The following FARP2 variants were observed in gnomAD, a reference collection of about 807,000 sequenced individuals.
FARP2 encodes the protein FERM, ARH/RhoGEF and pleckstrin domain protein 2.
Under a neutral mutation model 130.5 loss-of-function variants are expected in FARP2, and 111 were observed. The ratio of observed to expected loss-of-function variants is 0.85; its 90% CI spans 0.73 to 1.00. The LOEUF (loss-of-function observed/expected upper bound fraction) is 1.00. Ranked by LOEUF, FARP2 falls within the 50% of genes least tolerant of loss-of-function variation. The pLI is 0.00. For missense variants in FARP2, 1,385 were observed against 1,346.3 expected (o/e 1.03, Z -0.45); for synonymous variants, 504 against 516.9 (o/e 0.98, Z 0.34).
rs557510019 is a variant in FARP2 at position 241,424,159 on chromosome 2, A to T, written c.771+6050A>T. Among the ~76,000 whole-genome samples the T allele has an allele frequency of 1.1e-4, 17 of 152,312 alleles. No individual in the cohort carries two copies. In the East Asian group the frequency reaches 3.1e-3, roughly 28 times the overall value. On this transcript the variant is annotated intron_variant, in intron 8 of 26. Coordinates refer to ENST00000264042, the MANE Select transcript of FARP2 (RefSeq NM_014808.4). ...TCCCCCCAAAAACAAAAGAATATAA[A>T]TTCTTCTCATCACCACATGGCACTT...
chr2:241,438,634 GT>G (rs1207651322), intron 12 of FARP2, among the ~76,000 whole-genome samples: 21 of 127,836 alleles, frequency 1.6e-4, no homozygotes, highest in East Asian at 4.8e-4. Flanking sequence ...TTTTTTTTTT[GT>G]TTTTTTTTTT....
chr2:241,465,080 C>T (rs1191733320), intron 17 of FARP2, among the ~76,000 whole-genome samples: 1 of 152,166 alleles, frequency 6.6e-6, no homozygotes, highest in Non-Finnish European at 1.5e-5. Flanking sequence ...TAGATCAGGG[C>T]CCTTACCAGC....
At chr2:241,366,138 TAC>T (rs1445444373) in intron 1 of FARP2, among the ~76,000 whole-genome samples, 22 of 138,378 alleles carry the variant, frequency 1.6e-4, no homozygotes, top group East Asian at 2.1e-4. Flanking sequence ...TATATATATA[TAC>T]ACACACACAT....
At position 241,494,260 on chromosome 2, in the gene FARP2, T is replaced by A. The variant is rs1574927665; in HGVS notation, c.*135T>A. 2.4e-5 allele frequency: 11 copies of A among 467,008 alleles called. No homozygotes were observed. The East Asian group carries it at 3.8e-4, about 16-fold the overall frequency. 28.9% of individuals were successfully genotyped at this position (467,008 alleles called of 1,614,324 possible). The stretch of plus-strand genomic sequence containing the variant: ...TCCCCACTGGCACCAGCAGTGTGGG[T>A]GGGCCTCATGTAACATCTGGGAGGG... On this transcript the variant is annotated 3_prime_UTR_variant, in exon 27 of 27. Coordinates refer to ENST00000264042, the MANE Select transcript of FARP2 (RefSeq NM_014808.4). This position sits in a 1 kb window ranked among gnomAD's most constrained non-coding sequence, Gnocchi z 4.9.
chr2:241,446,416 A>T (rs952172196), intron 13 of FARP2: 6 of 152,038 alleles, frequency 3.9e-5, no homozygotes, highest in African/African-American at 1.4e-4. Flanking sequence ...GCTGAGGGTG[A>T]CTTGGTCCTT....
chr2:241,443,291 A>T (rs78423617), intron 13 of FARP2: 3 of 153,586 alleles, frequency 2.0e-5, no homozygotes, highest in African/African-American at 7.2e-5. Context: ...CCACTGCCTC[A>T]TTATTGACTT....
intron 10 of FARP2, among the ~76,000 whole-genome samples, 169 bp from the exon 11 acceptor site, chr2:241,434,793 G>A (rs2063180046): frequency 1.3e-5 from 2 of 152,016 alleles, no homozygotes; most frequent in African/African-American, 2.4e-5. Context: ...CAGAGATCAC[G>A]CCACTGCACT....
At chr2:241,449,056 T>C (rs1345539267) in intron 13 of FARP2, among the ~76,000 whole-genome samples, 1 of 152,258 alleles carries the variant, frequency 6.6e-6, no homozygotes, top group African/African-American at 2.4e-5. Flanking sequence ...GATCCACTCA[T>C]GACATCCTCT....
At chr2:241,397,563 A>T (rs2062060633) in intron 2 of FARP2, among the ~76,000 whole-genome samples, 1 of 151,986 alleles carries the variant, frequency 6.6e-6, no homozygotes, top group Non-Finnish European at 1.5e-5. Context: ...TTTAAAAGAG[A>T]CCTTGGTAAG....
chr2:241,450,909 G>A (rs1004532191), intron 13 of FARP2, among the ~76,000 whole-genome samples: 11 of 152,234 alleles, frequency 7.2e-5, no homozygotes, highest in East Asian at 1.9e-4. Flanking sequence ...CTGAGATTGC[G>A]CCACTGCACT....
At chr2:241,478,040 G>A (rs570655048) in intron 19 of FARP2, 1 of 152,344 alleles carries the variant, frequency 6.6e-6, no homozygotes, top group Admixed American at 6.5e-5. Context: ...TGTGTGGGTT[G>A]TCTTTTCACT....
intron 21 of FARP2, among the ~76,000 whole-genome samples, chr2:241,485,012 G>A (rs2064716599): frequency 6.6e-6 from 1 of 152,098 alleles, no homozygotes; most frequent in Non-Finnish European, 1.5e-5. Flanking sequence ...AGGGCGCCAA[G>A]GACAGGGGCT....
Position 241,468,297 on chromosome 2 carries a change from G to GGCT in FARP2, c.2057_2059dup (p.Leu686dup). ...ACGTTCCTGCTGAAGCCCATCCAGC[G>GGCT]GCTGCTGCACTACCGCCTGCTGCTG... On this transcript the variant is annotated inframe_insertion, in exon 18 of 27. Transcript: ENST00000264042. 3.1e-6 allele frequency: 5 copies of GGCT among 1,613,618 alleles called. No homozygotes were observed. The highest frequency in any genetic ancestry group is 4.2e-6 in the Non-Finnish European group (5 of 1,180,034).
chr2:241,390,453 A>G (rs185253780), intron 2 of FARP2, among the ~76,000 whole-genome samples: 19 of 152,144 alleles, frequency 1.2e-4, no homozygotes, highest in African/African-American at 4.1e-4. Flanking sequence ...TTCTTTCATC[A>G]TTTTTATCTC....
chr2:241,386,588 G>A (rs1363011372), intron 2 of FARP2, among the ~76,000 whole-genome samples: 1 of 152,202 alleles, frequency 6.6e-6, no homozygotes, highest in African/African-American at 2.4e-5. Flanking sequence ...AGCCCCCTGG[G>A]CATGTGCAGC....
intron 2 of FARP2, chr2:241,386,716 C>CT (rs1196476262): frequency 2.0e-5 from 3 of 152,240 alleles, no homozygotes; most frequent in African/African-American, 7.2e-5. Flanking sequence ...AGCTGGCCAC[C>CT]TTGGTTCCCA....
In FARP2 at chr2:241,441,385, C is replaced by G. The variant is rs2302014; in HGVS notation, c.1240C>G (p.Leu414Val). The G allele has an allele frequency of 1.9e-4, 299 of 1,614,250 alleles. 2 individuals are homozygous for G. In the East Asian group the frequency reaches 6.5e-3, roughly 35 times the overall value. Reference sequence around the variant, plus strand: ...CTTTTACTCGCTCTCTCCCTCCACTCTGGTCCCCTCTGGCCTGCCAGAGTT... The same window carrying G: ...CTTTTACTCGCTCTCTCCCTCCACTGTGGTCCCCTCTGGCCTGCCAGAGTT... ...NAFYSLSPST[L>V]VPSGLPEFKD... Residue 414 changes from leucine (L) to valine (V), a missense_variant, in exon 13 of 27, where the codon CTG (leucine) becomes GTG (valine). Physicochemically the swap from Leu to Val is conservative, Grantham distance 32. Coordinates refer to ENST00000264042, the MANE Select transcript of FARP2 (RefSeq NM_014808.4).
At chr2:241,376,454 G>A (rs1308135000) in intron 2 of FARP2, among the ~76,000 whole-genome samples, 2 of 152,230 alleles carry the variant, frequency 1.3e-5, no homozygotes. Flanking sequence ...CTCTGGAAGT[G>A]CAATTGTCTG....
At chr2:241,411,178 A>T in intron 6 of FARP2, 48 bp downstream of exon 6, 1 of 1,284,932 alleles carries the variant, frequency 7.8e-7, no homozygotes, top group Non-Finnish European at 1.1e-6. Context: ...CATGGCACAG[A>T]TATACCCGCA....
Sources: gnomAD v4.1 joint callset for allele counts (sites outside exome capture counted in the v4.1 genomes callset) on GRCh38, gnomAD v4.1.1 for gene constraint, Gnocchi (gnomAD v3.1) non-coding constraint, MANE v1.5 for transcripts, NCBI Gene and HGNC (gene_info 2026-07-23, HGNC 2026-07-21) for gene names.